SLC25A13: variants seen among roughly 807,000 people sequenced by gnomAD.
SLC25A13 encodes the protein electrogenic aspartate/glutamate antiporter SLC25A13, mitochondrial.
Under a neutral mutation model 85.5 loss-of-function variants are expected in SLC25A13, and 70 were observed. That is an observed-to-expected ratio of 0.82 (90% CI 0.68 to 1.00). The LOEUF is 1.00. SLC25A13 is among the 50% of genes least tolerant of loss of function. The pLI is 0.00. For synonymous variants in SLC25A13, 259 were observed against 288.7 expected, an observed-to-expected ratio of 0.90 and a Z score of 1.04; for missense variants, 765 against 819.8, an observed-to-expected ratio of 0.93 and a Z score of 0.82.
At chr7:96,266,139 C>G (rs1383330224) in intron 3 of SLC25A13, among the ~76,000 whole-genome samples, 1 of 152,180 alleles carries the variant, frequency 6.6e-6, no homozygotes, top group Non-Finnish European at 1.5e-5. Flanking sequence ...CTTTTAGAAA[C>G]CTCAGCTCAA....
intron 11 of SLC25A13, among the ~76,000 whole-genome samples, chr7:96,174,507 T>G (rs979789539): frequency 6.6e-6 from 1 of 152,232 alleles, no homozygotes; most frequent in African/African-American, 2.4e-5. Context: ...ATACGCCTGT[T>G]TAAACTACCT....
chr7:96,243,913 G>A (rs1353705437), intron 3 of SLC25A13, among the ~76,000 whole-genome samples: 5 of 152,122 alleles, frequency 3.3e-5, no homozygotes, highest in Non-Finnish European at 7.4e-5. Flanking sequence ...ATCAGCTGCT[G>A]TTGAAGGGTT....
chr7:96,185,341 T>C (rs994447371), intron 9 of SLC25A13, among the ~76,000 whole-genome samples: 1 of 152,144 alleles, frequency 6.6e-6, no homozygotes, highest in African/African-American at 2.4e-5. Flanking sequence ...CTCACGCCTG[T>C]AATCCCAGCA....
At chr7:96,300,686 C>A (rs1211289427) in intron 1 of SLC25A13, among the ~76,000 whole-genome samples, 1 of 152,172 alleles carries the variant, frequency 6.6e-6, no homozygotes, top group East Asian at 1.9e-4. Context: ...ACCCTACCCC[C>A]AACCCAGAGT....
chr7:96,154,371 A>G (rs1793169233), intron 13 of SLC25A13, among the ~76,000 whole-genome samples: 1 of 147,352 alleles, frequency 6.8e-6, no homozygotes, highest in African/African-American at 2.5e-5. Flanking sequence ...ATCTTGGCTC[A>G]CTGCAAACTC....
intron 2 of SLC25A13, among the ~76,000 whole-genome samples, chr7:96,286,977 C>T (rs1466374845): frequency 4.6e-5 from 7 of 152,276 alleles, no homozygotes; most frequent in African/African-American, 1.7e-4. Context: ...CACAGGTTAG[C>T]AGAGAGAAGG....
intron 5 of SLC25A13, among the ~76,000 whole-genome samples, chr7:96,200,445 T>A (rs115574278): frequency 1.3e-5 from 2 of 152,172 alleles, no homozygotes; most frequent in South Asian, 4.1e-4. Context: ...AAAATGAAGA[T>A]CCACATATTT....
intron 4 of SLC25A13, among the ~76,000 whole-genome samples, chr7:96,228,423 G>A (rs1796397756): frequency 6.6e-6 from 1 of 152,210 alleles, no homozygotes; most frequent in Non-Finnish European, 1.5e-5. Flanking sequence ...GGAAATAAAT[G>A]CTCATTGAAG....
Position 96,219,607 on chromosome 7 carries a change from T to A in SLC25A13, c.329-10630A>T, listed in dbSNP as rs535127454. ...TTGTTCATTTGAAGTAGGAACTACATTCCCTTGGAGAGCTTGTTTAAAACA... is the reference window on the plus strand; with the variant it reads ...TTGTTCATTTGAAGTAGGAACTACAATCCCTTGGAGAGCTTGTTTAAAACA... On this transcript the variant is annotated intron_variant, in intron 4 of 17. Transcript: ENST00000265631. 8 of 497,572 alleles carry A rather than the reference T, an allele frequency of 1.6e-5. 1 individual carries two copies. The highest frequency in any genetic ancestry group is 9.1e-5 in the South Asian group (6 of 66,276). The allele number at this position is 497,572 out of a possible 1,614,324, so 30.8% of individuals were successfully genotyped here. A position where few individuals can be genotyped will look rare whatever the true frequency, so the allele number is the denominator to read the frequency against.
rs1295387566 is a variant in SLC25A13, at chr7:96,236,923, ACTT to A, written c.213-2009_213-2007del. Reference sequence around the variant, plus strand: ...GCTGACTGGAGTCTGGGCAGAATAGACTTCTTCTCCTGTTGAGTAACCTTTTGA... The same window carrying A: ...GCTGACTGGAGTCTGGGCAGAATAGACTTCTCCTGTTGAGTAACCTTTTGA... On this transcript the variant is annotated intron_variant, in intron 3 of 17. Coordinates refer to ENST00000265631, the MANE Select transcript of SLC25A13 (RefSeq NM_014251.3). 5.9e-5 allele frequency among the ~76,000 whole-genome samples: 9 copies of A among 152,320 alleles called. No homozygotes were observed. In the South Asian group the frequency reaches 1.2e-3, roughly 21 times the overall value.
At chr7:96,321,912 C>T (rs142665180) in intron 1 of SLC25A13, 30 bp downstream of exon 1, 275 of 1,525,782 alleles carry the variant, frequency 1.8e-4, no homozygotes, top group Middle Eastern at 3.4e-4. Context: ...CCGGCAGGCG[C>T]GCTCCCCCCG....
At chr7:96,232,508 G>A (rs531887543) in intron 4 of SLC25A13, among the ~76,000 whole-genome samples, 2 of 151,628 alleles carry the variant, frequency 1.3e-5, no homozygotes, top group Middle Eastern at 3.4e-3. Flanking sequence ...TTTAATATCT[G>A]AGTAATGAAA....
Position 96,189,643 on chromosome 7 carries a change from A to C in SLC25A13, c.786T>G (p.Gly262=). The part of the protein sequence containing the change: ...EEFVLAAQKF[G]QVTPMEVDIL... Reference sequence around the variant, plus strand: ...TGTCAACTTCCATGGGTGTAACCTGACCAAATTTCTGAGCTGCCAGAACAA... The same window carrying C: ...TGTCAACTTCCATGGGTGTAACCTGCCCAAATTTCTGAGCTGCCAGAACAA... The change falls in exon 8 of 18, where the codon GGT becomes GGG. Residue 262 remains glycine, a synonymous_variant. Coordinates refer to ENST00000265631, the MANE Select transcript of SLC25A13 (RefSeq NM_014251.3). The C allele has an allele frequency of 6.2e-7, 1 of 1,613,916 alleles. No homozygotes were observed. Among genetic ancestry groups the C allele is most frequent in the Non-Finnish European group, 8.5e-7 (1 of 1,179,984 alleles).
intron 3 of SLC25A13, among the ~76,000 whole-genome samples, chr7:96,267,023 T>A (rs1294199856): frequency 6.6e-6 from 1 of 152,244 alleles, no homozygotes; most frequent in Non-Finnish European, 1.5e-5. Flanking sequence ...TAGATGTTTA[T>A]CTGAAATCTA....
Position 96,193,053 on chromosome 7 carries a change from T to C in SLC25A13, c.599A>G (p.Glu200Gly). 4 of 1,614,046 alleles carry C rather than the reference T, an allele frequency of 2.5e-6. No individual in the cohort carries two copies. The highest frequency in any genetic ancestry group is 3.4e-6 in the Non-Finnish European group (4 of 1,179,992). The change falls in exon 6 of 18, where the codon GAA becomes GGA. Residue 200 changes from glutamate to glycine, a missense_variant. Physicochemically the swap from Glu to Gly is moderately conservative, Grantham distance 98. Coordinates refer to ENST00000265631, the MANE Select transcript of SLC25A13 (RefSeq NM_014251.3). ...ACAACTTACAGCTACTAGACATTCT[T>C]CTACAAAAGGAGTCAAGACATGGGG... ...IRPHVLTPFV[E>G]ECLVAAAGGT...
chr7:96,296,224 C>T (rs1799340057), intron 2 of SLC25A13, among the ~76,000 whole-genome samples: 1 of 151,788 alleles, frequency 6.6e-6, no homozygotes, highest in Admixed American at 6.6e-5. Context: ...CAGTATAGTC[C>T]CATGGATGAG....
At chr7:96,295,049 A>C (rs1226402706) in intron 2 of SLC25A13, among the ~76,000 whole-genome samples, 3 of 152,184 alleles carry the variant, frequency 2.0e-5, no homozygotes, top group Non-Finnish European at 2.9e-5. Flanking sequence ...ACAATTTAAA[A>C]AAATGTTTTA....
intron 4 of SLC25A13, among the ~76,000 whole-genome samples, chr7:96,221,293 A>T (rs73710229): frequency 0.016 from 2,493 of 152,286 alleles, 60 homozygotes; most frequent in African/African-American, 0.057. Flanking sequence ...CAAAACTCAT[A>T]CTGTTCTTAT....
At chr7:96,167,701 C>A (rs1178664773) in intron 13 of SLC25A13, among the ~76,000 whole-genome samples, 1 of 152,186 alleles carries the variant, frequency 6.6e-6, no homozygotes, top group East Asian at 1.9e-4. Context: ...CCCAATAGGA[C>A]AGATGAGGCT....
Sources: gnomAD v4.1 joint callset for allele counts (sites outside exome capture counted in the v4.1 genomes callset) on GRCh38, gnomAD v4.1.1 for gene constraint, MANE v1.5 for transcripts, NCBI Gene and HGNC (gene_info 2026-07-23, HGNC 2026-07-21) for gene names.